Variants in XRCC4 observed in about 807,000 individuals in gnomAD.
XRCC4 encodes DNA repair protein XRCC4.
In XRCC4, 28 loss-of-function variants were observed where a neutral mutation model predicts 39.1. The ratio of observed to expected loss-of-function variants is 0.72; its 90% CI spans 0.53 to 0.98. The LOEUF is 0.98. XRCC4 is among the 50% of genes least tolerant of loss of function. The probability of loss-of-function intolerance (pLI) is 0.00; values close to 1 mark genes in which losing one functional copy is unlikely to be tolerated. For missense variants in XRCC4, 350 were observed against 376.4 expected (o/e 0.93, Z 0.58); for synonymous variants, 123 against 126.4 (o/e 0.97, Z 0.18).
the XRCC4 span, among the ~76,000 whole-genome samples, chr5:83,372,116 A>C: frequency 2.0e-5 from 3 of 152,210 alleles, no homozygotes; most frequent in Non-Finnish European, 4.4e-5. Flanking sequence ...TTAAATATTT[A>C]AGTCACAAAA....
At chr5:83,336,298 T>G (rs1756592931) in intron 7 of XRCC4, among the ~76,000 whole-genome samples, 1 of 152,176 alleles carries the variant, frequency 6.6e-6, no homozygotes. Flanking sequence ...CCTGTTCAGT[T>G]TTCATGGTTG....
intron 3 of XRCC4, among the ~76,000 whole-genome samples, chr5:83,178,711 T>C (rs930264737): frequency 3.9e-5 from 6 of 152,158 alleles, no homozygotes. Context: ...TGCTTAAACA[T>C]TCAAAGGAAA....
At chr5:83,285,303 C>A (rs557100349) in intron 7 of XRCC4, among the ~76,000 whole-genome samples, 31 of 152,128 alleles carry the variant, frequency 2.0e-4, no homozygotes, top group Non-Finnish European at 4.1e-4. Context: ...CTGGAATTGA[C>A]ACTGAGGGGT....
intron 3 of XRCC4, among the ~76,000 whole-genome samples, chr5:83,139,629 T>C (rs6863300): frequency 0.46 from 69,159 of 151,986 alleles, 16,553 homozygotes; most frequent in African/African-American, 0.58. Context: ...GCAAACATCA[T>C]AGAGTATACT....
chr5:83,156,067 A>G (rs953108108), intron 3 of XRCC4, among the ~76,000 whole-genome samples: 4 of 151,996 alleles, frequency 2.6e-5, no homozygotes, highest in Admixed American at 6.6e-5. Context: ...TCTTTGCTGT[A>G]TTTTTGAAAA....
At chr5:83,370,762 C>T in the XRCC4 span, among the ~76,000 whole-genome samples, 2 of 152,130 alleles carry the variant, frequency 1.3e-5, no homozygotes, top group East Asian at 3.9e-4. Flanking sequence ...CAAATTCTAT[C>T]GTTTCTTCCT....
At chr5:83,300,003 G>T (rs1259028304) in intron 7 of XRCC4, among the ~76,000 whole-genome samples, 3 of 152,178 alleles carry the variant, frequency 2.0e-5, no homozygotes, top group Non-Finnish European at 4.4e-5. Flanking sequence ...TTGAGGCTTA[G>T]TATGAAGATG....
At chr5:83,116,780 C>T (rs967681319) in intron 3 of XRCC4, among the ~76,000 whole-genome samples, 1 of 151,836 alleles carries the variant, frequency 6.6e-6, no homozygotes, top group Non-Finnish European at 1.5e-5. Context: ...TGTCACCATG[C>T]CCAGCTGATT....
At chr5:83,185,637 CAT>C (rs1453295029) in intron 3 of XRCC4, among the ~76,000 whole-genome samples, 3 of 151,700 alleles carry the variant, frequency 2.0e-5, no homozygotes, top group South Asian at 2.1e-4. Flanking sequence ...AATAATAAAA[CAT>C]AGTATAAAGC....
At chr5:83,091,049 A>C (rs974997020) in intron 1 of XRCC4, among the ~76,000 whole-genome samples, 1 of 152,210 alleles carries the variant, frequency 6.6e-6, no homozygotes, top group African/African-American at 2.4e-5. Context: ...ACAGTACTCA[A>C]TTGTTAGCTA....
intron 6 of XRCC4, among the ~76,000 whole-genome samples, chr5:83,220,256 G>T (rs190382633): frequency 6.6e-6 from 1 of 152,108 alleles, no homozygotes; most frequent in Non-Finnish European, 1.5e-5. Context: ...CTGTTAAACA[G>T]CAAACCATGA....
chr5:83,116,058 T>G (rs1161220829), intron 3 of XRCC4, among the ~76,000 whole-genome samples: 2 of 152,150 alleles, frequency 1.3e-5, no homozygotes, highest in African/African-American at 2.4e-5. Flanking sequence ...GATTTCAGAG[T>G]GACAATGTCT....
At position 83,318,053 on chromosome 5, in the gene XRCC4, C is replaced by T. The variant is rs866678246; in HGVS notation, c.894-35078C>T. 5.0e-5 allele frequency among the ~76,000 whole-genome samples: 7 copies of T among 138,914 alleles called. No individual in the cohort carries two copies. The South Asian group carries it at 8.6e-4, about 17-fold the overall frequency. The allele number at this position is 138,914 out of a possible 152,430, so 91.1% of individuals were successfully genotyped here. On this transcript the variant is annotated intron_variant, in intron 7 of 7. Coordinates refer to ENST00000396027, the MANE Select transcript of XRCC4 (RefSeq NM_003401.5). ...TGGGATGCAAGGCTGGTTCAGTATA[C>T]GCAAATCAATAAATGTAATCCAGCA...
intron 6 of XRCC4, among the ~76,000 whole-genome samples, chr5:83,211,084 C>T (rs1035722501): frequency 2.6e-5 from 4 of 152,070 alleles, no homozygotes; most frequent in Non-Finnish European, 5.9e-5. Flanking sequence ...AAAATTGACC[C>T]AAAAATAAGC....
intron 6 of XRCC4, among the ~76,000 whole-genome samples, chr5:83,239,791 T>C (rs1331803154): frequency 2.0e-5 from 3 of 151,430 alleles, no homozygotes; most frequent in Non-Finnish European, 4.4e-5. Context: ...ATTGGGCCAC[T>C]GTACTCCAAC....
At chr5:83,365,415 T>C in the XRCC4 span, among the ~76,000 whole-genome samples, 3 of 152,248 alleles carry the variant, frequency 2.0e-5, no homozygotes, top group East Asian at 3.9e-4. Flanking sequence ...AAAAGAAAGA[T>C]AAAACAAGTA....
intron 3 of XRCC4, among the ~76,000 whole-genome samples, chr5:83,153,075 A>G (rs1216097177): frequency 2.0e-5 from 3 of 152,094 alleles, no homozygotes; most frequent in Non-Finnish European, 2.9e-5. Context: ...CACCATTTCT[A>G]TGATTTTGTC....
intron 7 of XRCC4, among the ~76,000 whole-genome samples, chr5:83,303,493 A>G (rs546665762): frequency 2.0e-5 from 3 of 152,168 alleles, no homozygotes; most frequent in Non-Finnish European, 4.4e-5. Context: ...GAGAAATACT[A>G]ATGACAATTG....
chr5:83,290,184 A>T (rs1423611479), intron 7 of XRCC4, among the ~76,000 whole-genome samples: 1 of 151,850 alleles, frequency 6.6e-6, no homozygotes, highest in Non-Finnish European at 1.5e-5. Flanking sequence ...TGGTATAAAA[A>T]AAGTAATTGA....
Sources: allele counts gnomAD v4.1 joint callset (sites outside exome capture counted in the v4.1 genomes callset), GRCh38; gene constraint gnomAD v4.1.1; transcripts MANE v1.5; gene names NCBI Gene and HGNC (gene_info 2026-07-23, HGNC 2026-07-21).